Variants in CNTNAP2 observed in about 807,000 individuals in gnomAD.
CNTNAP2 encodes the protein contactin associated protein 2.
A neutral mutation model predicts 155.2 loss-of-function variants in CNTNAP2; 98 were observed. The observed-to-expected ratio is 0.63, with a 90% CI of 0.54 to 0.75. The LOEUF is 0.75. Ranked by LOEUF, CNTNAP2 falls within the 30% of genes least tolerant of loss-of-function variation. The pLI is 0.00. For missense variants in CNTNAP2, 1,727 were observed against 1,688.1 expected (o/e 1.02, Z -0.40); for synonymous variants, 651 against 631.2 (o/e 1.03, Z -0.47).
chr7:147,970,780 G>A (rs989226954), intron 14 of CNTNAP2, among the ~76,000 whole-genome samples: 11 of 152,308 alleles, frequency 7.2e-5, no homozygotes, highest in African/African-American at 2.2e-4. Flanking sequence ...AACCAAGAAT[G>A]TTTGATTGTC....
At chr7:146,738,043 G>T (rs1337178603) in intron 1 of CNTNAP2, among the ~76,000 whole-genome samples, 1 of 152,038 alleles carries the variant, frequency 6.6e-6, no homozygotes, top group Admixed American at 6.5e-5. Flanking sequence ...CTAGTAGTGG[G>T]ATTTCTGTAT....
chr7:147,624,622 G>A (rs572813391), intron 12 of CNTNAP2, among the ~76,000 whole-genome samples: 1 of 152,144 alleles, frequency 6.6e-6, no homozygotes. Flanking sequence ...ATGCTGGTGA[G>A]GATATGGGGA....
intron 12 of CNTNAP2, among the ~76,000 whole-genome samples, chr7:147,590,533 C>T (rs542476270): frequency 3.2e-4 from 49 of 152,240 alleles, no homozygotes; most frequent in Admixed American, 2.4e-3. Flanking sequence ...CCTGGCCATG[C>T]GGAATGGTGA....
chr7:147,823,819 A>G (rs1267731975), intron 13 of CNTNAP2, among the ~76,000 whole-genome samples: 1 of 152,188 alleles, frequency 6.6e-6, no homozygotes, highest in Non-Finnish European at 1.5e-5. Context: ...ACAAAATAGA[A>G]GCAAAAGTAG....
intron 12 of CNTNAP2, among the ~76,000 whole-genome samples, chr7:147,569,226 A>G (rs1381289836): frequency 6.6e-6 from 1 of 152,112 alleles, no homozygotes; most frequent in Non-Finnish European, 1.5e-5. Flanking sequence ...AAGCGCTTGC[A>G]CTCAGTATTA....
chr7:146,194,971 T>A (rs2116857784), intron 1 of CNTNAP2: 1 of 152,336 alleles, frequency 6.6e-6, no homozygotes, highest in East Asian at 1.9e-4. Context: ...ATTGAAATAT[T>A]TAAATACTAA....
intron 3 of CNTNAP2, among the ~76,000 whole-genome samples, chr7:146,856,310 A>G (rs187860056): frequency 2.6e-3 from 381 of 146,188 alleles, no homozygotes; most frequent in African/African-American, 7.7e-3. Flanking sequence ...ACATACATAC[A>G]TACATACATA....
intron 9 of CNTNAP2, among the ~76,000 whole-genome samples, chr7:147,382,887 G>A (rs577256769): frequency 5.1e-4 from 78 of 151,892 alleles, no homozygotes; most frequent in Non-Finnish European, 9.3e-4. Flanking sequence ...AGAAGAGAGT[G>A]GCACCTTCTC....
intron 13 of CNTNAP2, among the ~76,000 whole-genome samples, chr7:147,887,522 T>C (rs1408980312): frequency 6.6e-6 from 1 of 152,162 alleles, no homozygotes; most frequent in African/African-American, 2.4e-5. Context: ...AATGTATGAT[T>C]GAGCATGCAA....
chr7:146,771,203 G>A (rs185079380), intron 1 of CNTNAP2, among the ~76,000 whole-genome samples: 21 of 151,766 alleles, frequency 1.4e-4, no homozygotes, highest in East Asian at 3.9e-4. Flanking sequence ...ACATTTTTTC[G>A]TTGGCATGTT....
chr7:146,352,005 A>G (rs1252600194), intron 1 of CNTNAP2, among the ~76,000 whole-genome samples: 2 of 152,216 alleles, frequency 1.3e-5, no homozygotes, highest in African/African-American at 2.4e-5. Context: ...GACATTACAT[A>G]CAGAGGAAAG....
At chr7:147,281,163 T>G (rs1373003211) in intron 8 of CNTNAP2, among the ~76,000 whole-genome samples, 2 of 151,886 alleles carry the variant, frequency 1.3e-5, no homozygotes, top group African/African-American at 4.8e-5. Context: ...ATATGTAACT[T>G]TAAAGAAGGC....
intron 3 of CNTNAP2, among the ~76,000 whole-genome samples, chr7:146,942,330 C>G (rs185410483): frequency 1.4e-4 from 21 of 152,046 alleles, no homozygotes; most frequent in Non-Finnish European, 7.4e-5. Context: ...CTCACTTACT[C>G]TCCCTCAGCA....
intron 3 of CNTNAP2, among the ~76,000 whole-genome samples, chr7:147,019,906 A>G (rs1337104525): frequency 1.3e-5 from 2 of 152,156 alleles, no homozygotes; most frequent in African/African-American, 4.8e-5. Context: ...GAAAAAAAAT[A>G]AGTGGACAGA....
intron 21 of CNTNAP2, among the ~76,000 whole-genome samples, chr7:148,294,444 G>C (rs756582352): frequency 5.3e-5 from 8 of 152,188 alleles, no homozygotes; most frequent in Admixed American, 1.3e-4. Flanking sequence ...GAAAACAAAA[G>C]AGCTCTATAA....
At chr7:147,269,019 G>A (rs559159316) in intron 8 of CNTNAP2, among the ~76,000 whole-genome samples, 1 of 152,078 alleles carries the variant, frequency 6.6e-6, no homozygotes, top group Non-Finnish European at 1.5e-5. Flanking sequence ...TTTTTAAGAT[G>A]TCAAGTGCTT....
chr7:146,780,192 TG>T (rs1299367911), intron 2 of CNTNAP2, among the ~76,000 whole-genome samples: 4 of 118,432 alleles, frequency 3.4e-5, no homozygotes, highest in Admixed American at 2.4e-4. Context: ...GTTTCCTGAC[TG>T]TTTTTTTTTT....
chr7:147,492,462 A>G (rs1798626704), intron 11 of CNTNAP2, among the ~76,000 whole-genome samples: 1 of 152,222 alleles, frequency 6.6e-6, no homozygotes, highest in African/African-American at 2.4e-5. Context: ...CATGACAAGA[A>G]GTTTATTTTA....
intron 1 of CNTNAP2, among the ~76,000 whole-genome samples, chr7:146,283,359 T>C (rs1800279308): frequency 6.6e-6 from 1 of 152,094 alleles, no homozygotes; most frequent in Non-Finnish European, 1.5e-5. Flanking sequence ...AAATGAGTGG[T>C]TCTGTTTTTC....
Sources: allele counts gnomAD v4.1 joint callset (sites outside exome capture counted in the v4.1 genomes callset), GRCh38; gene constraint gnomAD v4.1.1; transcripts MANE v1.5; gene names NCBI Gene and HGNC (gene_info 2026-07-23, HGNC 2026-07-21).